TMC1: variants seen among roughly 807,000 people sequenced by gnomAD.
TMC1 encodes the protein transmembrane channel-like protein 1.
In TMC1, 84 loss-of-function variants were observed where a neutral mutation model predicts 105.8. The ratio of observed to expected loss-of-function variants is 0.79; its 90% CI spans 0.67 to 0.95. TMC1 has a LOEUF of 0.95. Ranked by LOEUF, TMC1 falls within the 40% of genes least tolerant of loss-of-function variation. The pLI, the probability that TMC1 is intolerant of heterozygous loss-of-function variation, is 0.00. For synonymous variants in TMC1, 315 were observed against 311.5 expected, an observed-to-expected ratio of 1.01 and a Z score of -0.12; for missense variants, 817 against 914.1, an observed-to-expected ratio of 0.89 and a Z score of 1.37.
chr9:72,812,550 C>T (rs1035743189), intron 18 of TMC1, among the ~76,000 whole-genome samples: 1 of 152,214 alleles, frequency 6.6e-6, no homozygotes, highest in Non-Finnish European at 1.5e-5. Context: ...GAGCATACAT[C>T]AGAATCCCCT....
intron 2 of TMC1, among the ~76,000 whole-genome samples, chr9:72,604,932 A>C (rs890741589): frequency 1.3e-5 from 2 of 152,232 alleles, no homozygotes; most frequent in Non-Finnish European, 2.9e-5. Flanking sequence ...ATATATCATC[A>C]GTATAGAAAA....
At chr9:72,748,998 T>C (rs1043872908) in intron 10 of TMC1, among the ~76,000 whole-genome samples, 1 of 152,202 alleles carries the variant, frequency 6.6e-6, no homozygotes, top group African/African-American at 2.4e-5. Flanking sequence ...CCAAATAAAA[T>C]AGTTGTGAAG....
chr9:72,647,594 A>G (rs61513188), intron 4 of TMC1, among the ~76,000 whole-genome samples: 328 of 152,308 alleles, frequency 2.2e-3, no homozygotes, highest in African/African-American at 7.7e-3. Context: ...TCCAGTATCT[A>G]GAATAGGGAA....
At chr9:72,615,047 A>G (rs569526965) in intron 2 of TMC1, among the ~76,000 whole-genome samples, 2 of 152,298 alleles carry the variant, frequency 1.3e-5, no homozygotes, top group South Asian at 4.2e-4. Flanking sequence ...GATCCTGCAT[A>G]CCAGTGAAAT....
chr9:72,830,214 G>A (rs1829017370), intron 21 of TMC1, among the ~76,000 whole-genome samples: 3 of 152,118 alleles, frequency 2.0e-5, no homozygotes, highest in Admixed American at 1.3e-4. Context: ...TGTGGATCAG[G>A]AGCCTTGGGC....
intron 18 of TMC1, among the ~76,000 whole-genome samples, chr9:72,806,249 G>T (rs1028423327): frequency 1.8e-4 from 27 of 146,826 alleles, no homozygotes; most frequent in Admixed American, 3.4e-4. Flanking sequence ...CCTCCCGGAT[G>T]GGGCGGCTGG....
intron 5 of TMC1, among the ~76,000 whole-genome samples, chr9:72,666,908 AAAACAAAACAAAAC>A (rs1210883696): frequency 1.3e-5 from 2 of 151,482 alleles, no homozygotes; most frequent in African/African-American, 2.4e-5. Flanking sequence ...AAAACAAAAC[AAAACAAAACAAAAC>A]AAACAATAAA....
chr9:72,629,010 C>A (rs959484789), intron 4 of TMC1, among the ~76,000 whole-genome samples: 3 of 152,072 alleles, frequency 2.0e-5, no homozygotes, highest in Non-Finnish European at 4.4e-5. Flanking sequence ...TACTAATTAG[C>A]AATAACTAGA....
At chr9:72,661,647 T>G (rs1435064843) in intron 5 of TMC1, among the ~76,000 whole-genome samples, 1 of 152,258 alleles carries the variant, frequency 6.6e-6, no homozygotes, top group African/African-American at 2.4e-5. Context: ...ATGGAGATAT[T>G]ATTTATGTTC....
intron 7 of TMC1, among the ~76,000 whole-genome samples, chr9:72,698,707 G>GGTACAGTT (rs1826592132): frequency 6.6e-6 from 1 of 152,150 alleles, no homozygotes; most frequent in Non-Finnish European, 1.5e-5. Flanking sequence ...CAATGGAAAG[G>GGTACAGTT]GTTGAAACGA....
At chr9:72,690,826 T>A (rs1335605702) in intron 6 of TMC1, among the ~76,000 whole-genome samples, 1 of 152,084 alleles carries the variant, frequency 6.6e-6, no homozygotes, top group Non-Finnish European at 1.5e-5. Context: ...TAATTTAGGG[T>A]CTGTGGGCTT....
At chr9:72,593,865 A>G (rs1188117332) in intron 2 of TMC1, among the ~76,000 whole-genome samples, 2 of 152,202 alleles carry the variant, frequency 1.3e-5, no homozygotes, top group Non-Finnish European at 2.9e-5. Context: ...TGGCAAGTGC[A>G]GACCCTCAGT....
intron 2 of TMC1, among the ~76,000 whole-genome samples, chr9:72,610,710 G>T (rs905811308): frequency 6.6e-6 from 1 of 152,146 alleles, no homozygotes; most frequent in Non-Finnish European, 1.5e-5. Context: ...CCAAATGTCT[G>T]GGCACCCTGT....
intron 7 of TMC1, among the ~76,000 whole-genome samples, chr9:72,696,671 A>G (rs1171806000): frequency 6.6e-6 from 1 of 152,156 alleles, no homozygotes; most frequent in Non-Finnish European, 1.5e-5. Context: ...AATGCTAACT[A>G]TCTTTGGAGG....
At chr9:72,811,918 C>T (rs977218018) in intron 18 of TMC1, among the ~76,000 whole-genome samples, 3 of 152,112 alleles carry the variant, frequency 2.0e-5, no homozygotes, top group East Asian at 1.9e-4. Context: ...TCCATGTGAT[C>T]GTACCAGCAA....
intron 2 of TMC1, among the ~76,000 whole-genome samples, chr9:72,591,006 CAG>C (rs1451230343): frequency 6.6e-6 from 1 of 152,120 alleles, no homozygotes; most frequent in African/African-American, 2.4e-5. Flanking sequence ...AAGAGGAAGA[CAG>C]AGTGGTTTAG....
intron 2 of TMC1, among the ~76,000 whole-genome samples, chr9:72,592,930 G>A (rs764379588): frequency 3.3e-5 from 5 of 152,180 alleles, no homozygotes; most frequent in Non-Finnish European, 7.3e-5. Context: ...ACCAGCAATA[G>A]CGCCATCTGC....
intron 2 of TMC1, among the ~76,000 whole-genome samples, chr9:72,583,690 C>T (rs1824507299): frequency 6.6e-6 from 1 of 152,226 alleles, no homozygotes; most frequent in Non-Finnish European, 1.5e-5. Context: ...TGTCAGGAAA[C>T]TCAGAGCCAA....
At chr9:72,797,702 T>C (rs974017340) in intron 17 of TMC1, among the ~76,000 whole-genome samples, 2 of 152,144 alleles carry the variant, frequency 1.3e-5, no homozygotes, top group Admixed American at 1.3e-4. Context: ...CTTTACACCA[T>C]GTATAAAAAT....
Sources: gnomAD v4.1 joint callset for allele counts (sites outside exome capture counted in the v4.1 genomes callset) on GRCh38, gnomAD v4.1.1 for gene constraint, MANE v1.5 for transcripts, NCBI Gene and HGNC (gene_info 2026-07-23, HGNC 2026-07-21) for gene names.